The following MTMR10 variants were observed in gnomAD, a reference collection of about 807,000 sequenced individuals.
MTMR10 encodes myotubularin related protein 10.
A neutral mutation model predicts 88.1 loss-of-function variants in MTMR10; 56 were observed. The observed-to-expected ratio is 0.64, with a 90% CI of 0.51 to 0.79. MTMR10 has a LOEUF of 0.79. MTMR10 is among the 30% of genes least tolerant of loss of function. MTMR10 has a pLI of 0.00. For missense variants in MTMR10, 883 were observed against 924.7 expected (o/e 0.95, Z 0.58); for synonymous variants, 380 against 340.9 (o/e 1.11, Z -1.26).
At chr15:30,989,174 T>C (rs2031147006) in intron 2 of MTMR10, among the ~76,000 whole-genome samples, 1 of 152,050 alleles carries the variant, frequency 6.6e-6, no homozygotes, top group African/African-American at 2.4e-5. Flanking sequence ...TAGGCACTCA[T>C]TCAAGATGAG....
At chr15:30,967,205 C>G (rs1457406632) in intron 6 of MTMR10, among the ~76,000 whole-genome samples, 1 of 152,072 alleles carries the variant, frequency 6.6e-6, no homozygotes, top group African/African-American at 2.4e-5. Context: ...CAGTCACTAA[C>G]TGACAATGGG....
At chr15:30,943,673 G>A in intron 14 of MTMR10, 2 of 985,434 alleles carry the variant, frequency 2.0e-6, no homozygotes, top group South Asian at 4.7e-5. Context: ...CTCCTTCACA[G>A]GAGTCCACCT....
chr15:30,985,320 T>C (rs982277310), intron 2 of MTMR10, among the ~76,000 whole-genome samples: 6 of 152,216 alleles, frequency 3.9e-5, no homozygotes, highest in Admixed American at 6.5e-5. Context: ...TCTGTCACTG[T>C]TGTGAAAAGG....
intron 14 of MTMR10, chr15:30,943,483 T>C (rs530592290): frequency 3.0e-6 from 3 of 985,422 alleles, no homozygotes; most frequent in East Asian, 1.1e-4. Context: ...ATTAACAAAA[T>C]CTTTGGATGG....
chr15:30,981,258 T>A (rs1204419274), intron 2 of MTMR10, among the ~76,000 whole-genome samples: 1 of 152,208 alleles, frequency 6.6e-6, no homozygotes, highest in Non-Finnish European at 1.5e-5. Flanking sequence ...TAATTCCCAA[T>A]CCCTTGAATG....
chr15:30,941,674 C>G lies in MTMR10; in HGVS notation c.2130G>C (p.Glu710Asp). The G allele has an allele frequency of 6.2e-7, 1 of 1,613,498 alleles. No homozygotes were observed. Among genetic ancestry groups the G allele is most frequent in the Admixed American group, 1.7e-5 (1 of 59,908 alleles). Residue 710 changes from glutamate (E) to aspartate (D), a missense_variant, in exon 16 of 16, where the codon GAG becomes GAC. Glu to Asp is a conservative substitution (Grantham distance 45). Transcript: ENST00000435680. ...RSGPLEACYG[E>D]LGQSRMYFNA... ...TGAAGTACATCCTGCTCTGGCCCAG[C>G]TCCCCATAGCAGGCCTCCAGGGGGC... is the stretch of plus-strand genomic sequence containing the variant.
intron 9 of MTMR10, among the ~76,000 whole-genome samples, chr15:30,957,300 T>C (rs1022194285): frequency 2.0e-5 from 3 of 152,170 alleles, no homozygotes; most frequent in Non-Finnish European, 4.4e-5. Flanking sequence ...AACACACACA[T>C]ATATAATTAA....
chr15:30,929,722 AT>A, the MTMR10 span, among the ~76,000 whole-genome samples: 1 of 44,810 alleles, frequency 2.2e-5, no homozygotes, highest in African/African-American at 9.4e-5. Flanking sequence ...TATAATATAT[AT>A]AAAATATATA....
chr15:30,974,570 T>C, intron 4 of MTMR10, 114 bp from the exon 5 acceptor site: 1 of 1,027,002 alleles, frequency 9.7e-7, no homozygotes, highest in Non-Finnish European at 1.3e-6. Context: ...ATTTGAGCTC[T>C]GCTTGTCTAG....
rs2873 is a variant in MTMR10 at position 30,939,052 on chromosome 15, A to G, written c.*2418T>C. On this transcript the variant is annotated 3_prime_UTR_variant, in exon 16 of 16. Transcript: ENST00000435680. The stretch of plus-strand genomic sequence containing the variant: ...CATCCCACTTGAACTCAAGTCATCA[A>G]TTTTAGGCACAAAGGTTTTAGTTTT... 436,672 of 985,050 alleles carry G rather than the reference A, an allele frequency of 0.44. 99,246 individuals are homozygous for G. The highest frequency in any genetic ancestry group is 0.85 in the East Asian group (7,514 of 8,804). 61.0% of individuals were successfully genotyped at this position (985,050 alleles called of 1,614,324 possible).
At chr15:30,948,011 A>C (rs182276326) in intron 13 of MTMR10, among the ~76,000 whole-genome samples, 1 of 152,364 alleles carries the variant, frequency 6.6e-6, no homozygotes, top group East Asian at 1.9e-4. Context: ...ATTTTTCAAA[A>C]TAGCCAATGT....
At chr15:30,978,136 AACC>A (rs1276158939) in intron 2 of MTMR10, among the ~76,000 whole-genome samples, 2 of 152,166 alleles carry the variant, frequency 1.3e-5, no homozygotes, top group African/African-American at 4.8e-5. Context: ...ACCTTAGTCC[AACC>A]ACTGTCTAGG....
At chr15:30,926,892 C>G in the MTMR10 span, 2 of 985,438 alleles carry the variant, frequency 2.0e-6, no homozygotes, top group Non-Finnish European at 2.4e-6. Flanking sequence ...CTCTGGCTGC[C>G]AGGCTTTATG....
chr15:30,960,420 G>C (rs900033427), intron 7 of MTMR10, among the ~76,000 whole-genome samples: 3 of 152,198 alleles, frequency 2.0e-5, no homozygotes, highest in Non-Finnish European at 2.9e-5. Context: ...AGAGACAGAG[G>C]AACACATTAC....
chr15:30,928,045 A>C, the MTMR10 span: 1 of 991,246 alleles, frequency 1.0e-6, no homozygotes, highest in Non-Finnish European at 1.2e-6. Flanking sequence ...CAGGGGGATG[A>C]GGTGCATCAG....
At chr15:30,927,561 A>G in the MTMR10 span, 159,829 of 985,216 alleles carry the variant, frequency 0.16, 15,325 homozygotes, top group African/African-American at 0.43. Flanking sequence ...CTCTCACAGC[A>G]CCCCTGATCC....
chr15:30,924,985 C>A, the MTMR10 span: 1 of 811,238 alleles, frequency 1.2e-6, no homozygotes, highest in Non-Finnish European at 1.9e-6. Context: ...AGGAAACAGC[C>A]TAAATCTCTA....
At chr15:30,938,484 C>A (rs1412652438), downstream of MTMR10, among the ~76,000 whole-genome samples, 1 of 152,110 alleles carries the variant, frequency 6.6e-6, no homozygotes, top group Admixed American at 6.5e-5. Flanking sequence ...TTGTCCATCT[C>A]CCTGGGACCA....
chr15:30,979,377 T>C (rs1286575162), intron 2 of MTMR10, among the ~76,000 whole-genome samples: 1 of 150,652 alleles, frequency 6.6e-6, no homozygotes, highest in African/African-American at 2.4e-5. Flanking sequence ...TGAGCCAACA[T>C]GGTGAAACCC....
Sources: gnomAD v4.1 joint callset for allele counts (sites outside exome capture counted in the v4.1 genomes callset) on GRCh38, gnomAD v4.1.1 for gene constraint, MANE v1.5 for transcripts, NCBI Gene and HGNC (gene_info 2026-07-23, HGNC 2026-07-21) for gene names.